Variants in ZNF467 observed in about 807,000 individuals in gnomAD.
ZNF467 encodes zinc finger protein EZI.
A neutral mutation model predicts 47.8 loss-of-function variants in ZNF467; 51 were observed. That is an observed-to-expected ratio of 1.07 (90% CI 0.85 to 1.35). The LOEUF (loss-of-function observed/expected upper bound fraction) is 1.35, where lower values mean the gene tolerates loss of function less well. Among genes scored for constraint, ZNF467 ranks in the 40% most tolerant of loss-of-function variants. ZNF467 has a pLI of 0.00. For synonymous variants in ZNF467, 416 were observed against 372.9 expected, an observed-to-expected ratio of 1.12 and a Z score of -1.33; for missense variants, 992 against 858.1, an observed-to-expected ratio of 1.16 and a Z score of -1.95.
chr7:149,770,702 G>C, intron 2 of ZNF467, 146 bp from the exon 3 acceptor site: 4 of 708,084 alleles, frequency 5.6e-6, no homozygotes, highest in Non-Finnish European at 9.6e-6. Context: ...ACATGGACAG[G>C]GACAGGTATC....
upstream of ZNF467, among the ~76,000 whole-genome samples, chr7:149,774,067 A>C (rs1389176544): frequency 1.0e-4 from 13 of 128,958 alleles, no homozygotes; most frequent in African/African-American, 2.9e-5. This position sits in a 1 kb window ranked among gnomAD's most constrained non-coding sequence, Gnocchi z 5.7. Context: ...CTGGGCGGAG[A>C]TTCTGAGGGC....
chr7:149,776,194 CTCCCTCCACCCCCGCCACT>C (rs1373891668), upstream of ZNF467: 5 of 1,028,238 alleles, frequency 4.9e-6, no homozygotes, highest in African/African-American at 8.3e-5. Context: ...CCCCGGGATC[CTCCCTCCACCCCCGCCACT>C]TCCCATGAGT....
chr7:149,771,267 G>T (rs181658247), intron 1 of ZNF467, among the ~76,000 whole-genome samples, 193 bp from the exon 2 acceptor site: 14 of 152,302 alleles, frequency 9.2e-5, no homozygotes, highest in Admixed American at 9.1e-4. Context: ...GCCCAAGAAG[G>T]CCTTGAAACG....
chr7:149,773,785 G>T (rs995629920), upstream of ZNF467, among the ~76,000 whole-genome samples: 17 of 151,886 alleles, frequency 1.1e-4, no homozygotes, highest in Non-Finnish European at 2.1e-4. Flanking sequence ...ACGGCCCGGG[G>T]GGTCGGTCTG....
rs1799309795 is a variant in ZNF467 at position 149,769,142 on chromosome 7, G to A, written c.210C>T (p.Cys70=). The part of the protein sequence containing the change: ...GAHTEQAEAP[C]RGQACSAQKA... ...TCTGTGCTGAGCACGCCTGGCCTCT[G>A]CAGGGAGCCTCGGCTTGTTCTGTGT... Residue 70 remains cysteine, a synonymous_variant, in exon 4 of 5, where the codon TGC becomes TGT. Coordinates refer to ENST00000302017, the MANE Select transcript of ZNF467 (RefSeq NM_207336.3). This position sits in a 1 kb window ranked among gnomAD's most constrained non-coding sequence, Gnocchi z 5.3. 1 of 1,562,868 alleles carries A rather than the reference G, an allele frequency of 6.4e-7. No homozygotes were observed. Among genetic ancestry groups the A allele is most frequent in the African/African-American group, 1.4e-5 (1 of 73,710 alleles).
chr7:149,764,379 T>G lies in ZNF467; in HGVS notation c.*335A>C. 1.8e-6 allele frequency: 1 copy of G among 560,250 alleles called. No individual in the cohort carries two copies. The highest frequency in any genetic ancestry group is 3.1e-6 in the Non-Finnish European group (1 of 317,850). The allele number at this position is 560,250 out of a possible 1,614,324, so 34.7% of individuals were successfully genotyped here. The stretch of plus-strand genomic sequence containing the variant: ...CCCCAGAACTTTCCGATTTTAACTT[T>G]AATGAAACTTTAAGTACATAAATAA... On this transcript the variant is annotated 3_prime_UTR_variant, in exon 5 of 5. Coordinates refer to ENST00000302017, the MANE Select transcript of ZNF467 (RefSeq NM_207336.3).
At chr7:149,775,120 C>T (rs1799539018), upstream of ZNF467, among the ~76,000 whole-genome samples, 1 of 152,152 alleles carries the variant, frequency 6.6e-6, no homozygotes, top group African/African-American at 2.4e-5. Context: ...TAGCTCTGCC[C>T]CAGGGCTGGG....
At chr7:149,770,218 A>T (rs1799351081) in intron 3 of ZNF467, among the ~76,000 whole-genome samples, 1 of 152,166 alleles carries the variant, frequency 6.6e-6, no homozygotes, top group Admixed American at 6.5e-5. Context: ...TAAGCTCTTG[A>T]AGGTAGGGAT....
Position 149,764,871 on chromosome 7 carries a change from G to A in ZNF467, c.1631C>T (p.Ser544Phe), listed in dbSNP as rs1446106431. Residue 544 changes from serine (S) to phenylalanine (F), a missense_variant, in exon 5 of 5, where the codon TCC (serine) becomes TTC (phenylalanine). Coordinates refer to ENST00000302017, the MANE Select transcript of ZNF467 (RefSeq NM_207336.3). ...QAIHTGSRPFSCPQCGKSFSR... is the reference protein window; with the variant it reads ...QAIHTGSRPFFCPQCGKSFSR... The stretch of plus-strand genomic sequence containing the variant: ...GAAGCTCTTTCCGCACTGCGGGCAG[G>A]AGAAGGGGCGGGAGCCTGTGTGGAT... 3.2e-6 allele frequency: 5 copies of A among 1,556,802 alleles called. No individual in the cohort carries two copies. The highest frequency in any genetic ancestry group is 1.2e-5 in the South Asian group (1 of 85,334).
chr7:149,771,100 A>G, intron 1 of ZNF467, 26 bp from the exon 2 acceptor site: 2 of 1,608,396 alleles, frequency 1.2e-6, no homozygotes, highest in Non-Finnish European at 1.7e-6. Flanking sequence ...AGCCTTGTTC[A>G]GATTTTTCCC....
chr7:149,766,011 T>C lies in ZNF467; in HGVS notation c.491A>G (p.Glu164Gly). 6.4e-7 allele frequency: 1 copy of C among 1,570,334 alleles called. No homozygotes were observed. Among genetic ancestry groups the C allele is most frequent in the Non-Finnish European group, 8.6e-7 (1 of 1,158,014 alleles). The change falls in exon 5 of 5, where the codon GAG becomes GGG. Residue 164 changes from glutamate (E) to glycine (G), a missense_variant. Physicochemically the swap from Glu to Gly is moderately conservative, Grantham distance 98. Coordinates refer to ENST00000302017, the MANE Select transcript of ZNF467 (RefSeq NM_207336.3). ...PMPEKPYGCG[E>G]CERRFRDQLT... ...CTGGTCCCGGAAGCGCCGCTCACAC[T>C]CCCCGCAGCCGTAGGGCTTCTCCGG...
chr7:149,776,439 C>T (rs750340711), upstream of ZNF467: 11 of 1,352,486 alleles, frequency 8.1e-6, no homozygotes, highest in Non-Finnish European at 9.8e-6. Flanking sequence ...TCGACCATTA[C>T]AGCCGCCTGG....
Position 149,770,546 on chromosome 7 carries a change from C to G in ZNF467, c.45G>C (p.Val15=), listed in dbSNP as rs1314602402. The change falls in exon 3 of 5, where the codon GTG becomes GTC. Residue 15 remains valine (V), a synonymous_variant. Coordinates refer to ENST00000302017, the MANE Select transcript of ZNF467 (RefSeq NM_207336.3). ...LEALSSLGFS[V]GQPEMAPQSE... ...TTTGGGGGGCCATCTCTGGCTGTCC[C>G]ACAGAGAATCCTGTTACAGGCAGAA... is the stretch of plus-strand genomic sequence containing the variant. The G allele has an allele frequency of 6.2e-7, 1 of 1,612,638 alleles. No homozygotes were observed. The highest frequency in any genetic ancestry group is 1.3e-5 in the African/African-American group (1 of 74,872).
At chr7:149,772,678 GCC>G (rs886165284) in intron 1 of ZNF467, among the ~76,000 whole-genome samples, 1 of 147,058 alleles carries the variant, frequency 6.8e-6, no homozygotes, top group East Asian at 2.1e-4. Flanking sequence ...CCAGGTCCCG[GCC>G]CCCTCCCCAG....
At chr7:149,771,471 A>G (rs1799405263) in intron 1 of ZNF467, among the ~76,000 whole-genome samples, 1 of 152,072 alleles carries the variant, frequency 6.6e-6, no homozygotes, top group Non-Finnish European at 1.5e-5. Flanking sequence ...TTCATCTCCC[A>G]GGTCCTCCAG....
At position 149,766,349 on chromosome 7, in the gene ZNF467, C is replaced by T. The variant is rs1799221688; in HGVS notation, c.263-110G>A. On this transcript the variant is annotated intron_variant, in intron 4 of 4. Coordinates refer to ENST00000302017, the MANE Select transcript of ZNF467 (RefSeq NM_207336.3). ...CCGCGGTCTGGCTCTGCTCTCCACTCTACCTAACGCTTCCCGGGAGTGACC... is the reference window on the plus strand; with the variant it reads ...CCGCGGTCTGGCTCTGCTCTCCACTTTACCTAACGCTTCCCGGGAGTGACC... 5 of 1,462,988 alleles carry T rather than the reference C, an allele frequency of 3.4e-6. No homozygotes were observed. In the East Asian group the frequency reaches 9.4e-5, roughly 28 times the overall value. 90.6% of individuals were successfully genotyped at this position (1,462,988 alleles called of 1,614,324 possible). A position where few individuals can be genotyped will look rare whatever the true frequency, so the allele number is the denominator to read the frequency against.
rs1799071871 is a variant in ZNF467 at position 149,764,414 on chromosome 7, C to T, written c.*300G>A. 2 of 590,962 alleles carry T rather than the reference C, an allele frequency of 3.4e-6. No homozygotes were observed. The highest frequency in any genetic ancestry group is 3.8e-5 in the African/African-American group (2 of 53,128). 36.6% of individuals were successfully genotyped at this position (590,962 alleles called of 1,614,324 possible). A position where few individuals can be genotyped will look rare whatever the true frequency, so the allele number is the denominator to read the frequency against. On this transcript the variant is annotated 3_prime_UTR_variant, in exon 5 of 5. Coordinates refer to ENST00000302017, the MANE Select transcript of ZNF467 (RefSeq NM_207336.3). ...TTAAGTACATAAATAACCACTCTTTCCTGCCCTGGTTGAGGCCGCGCTGGG... is the reference window on the plus strand; with the variant it reads ...TTAAGTACATAAATAACCACTCTTTTCTGCCCTGGTTGAGGCCGCGCTGGG...
chr7:149,769,654 C>T lies in ZNF467; in HGVS notation c.152-454G>A, dbSNP rs1242380393. Among the ~76,000 whole-genome samples the T allele has an allele frequency of 2.6e-5, 4 of 152,204 alleles. No individual in the cohort carries two copies. Among genetic ancestry groups the T allele is most frequent in the Non-Finnish European group, 4.4e-5 (3 of 68,046 alleles). On this transcript the variant is annotated intron_variant, in intron 3 of 4. Transcript: ENST00000302017. This position sits in a 1 kb window ranked among gnomAD's most constrained non-coding sequence, Gnocchi z 5.3. ...CCTGGCTGTACTCCTGCCTGAAGCA[C>T]TTTTCCCAAATCTGCTGAGCTGCCG...
In ZNF467 at chr7:149,764,382, T is replaced by C. The variant is rs1585937180; in HGVS notation, c.*332A>G. The C allele has an allele frequency of 1.1e-5, 6 of 560,032 alleles. No individual in the cohort carries two copies. The Admixed American group carries it at 1.4e-4, about 13-fold the overall frequency. 34.7% of individuals were successfully genotyped at this position (560,032 alleles called of 1,614,324 possible). A position where few individuals can be genotyped will look rare whatever the true frequency, so the allele number is the denominator to read the frequency against. On this transcript the variant is annotated 3_prime_UTR_variant, in exon 5 of 5. Transcript: ENST00000302017. ...CAGAACTTTCCGATTTTAACTTTAA[T>C]GAAACTTTAAGTACATAAATAACCA... is the stretch of plus-strand genomic sequence containing the variant.
Sources: allele counts gnomAD v4.1 joint callset (sites outside exome capture counted in the v4.1 genomes callset), GRCh38; gene constraint gnomAD v4.1.1; non-coding constraint Gnocchi (gnomAD v3.1); transcripts MANE v1.5; gene names NCBI Gene and HGNC (gene_info 2026-07-23, HGNC 2026-07-21).